Variants in DNAH10 observed in about 807,000 individuals in gnomAD.
DNAH10 encodes dynein axonemal heavy chain 10.
Under a neutral mutation model 506.6 loss-of-function variants are expected in DNAH10, and 348 were observed. That is an observed-to-expected ratio of 0.69 (90% confidence interval 0.63 to 0.75). The LOEUF (loss-of-function observed/expected upper bound fraction) is 0.75. Among genes scored for constraint, DNAH10 ranks in the 30% least tolerant of loss-of-function variants. The probability of loss-of-function intolerance (pLI) is 0.00; values close to 1 mark genes in which losing one functional copy is unlikely to be tolerated. For missense variants in DNAH10, 5,179 were observed against 5,787.1 expected, an observed-to-expected ratio of 0.89 and a Z score of 3.41; for synonymous variants, 2,059 against 2,198.6, an observed-to-expected ratio of 0.94 and a Z score of 1.78.
chr12:123,853,494 T>A lies in DNAH10; in HGVS notation c.6438+142T>A. ...GCCTCTTCACCCCGCGGTCTGGCCT[T>A]ACTTTGGCCTCTTACCTGTTGTATC... On this transcript the variant is annotated intron_variant, in intron 36 of 78. Transcript: ENST00000673944. This position sits in a 1 kb window ranked among gnomAD's most constrained non-coding sequence, Gnocchi z 4.7. 9.1e-7 allele frequency: 1 copy of A among 1,100,570 alleles called. No homozygotes were observed. Among genetic ancestry groups the A allele is most frequent in the South Asian group, 2.1e-5 (1 of 47,402 alleles). 68.2% of individuals were successfully genotyped at this position (1,100,570 alleles called of 1,614,324 possible). A position where few individuals can be genotyped will look rare whatever the true frequency, so the allele number is the denominator to read the frequency against.
At chr12:123,931,261 T>C (rs537183483) in intron 73 of DNAH10, 80 bp from the exon 74 acceptor site, 1 of 1,571,898 alleles carries the variant, frequency 6.4e-7, no homozygotes, top group African/African-American at 1.4e-5. Flanking sequence ...CTTGCATGTC[T>C]TGGAGACTTT....
In DNAH10 at chr12:123,919,564, G is replaced by A. The variant is rs1048626362; in HGVS notation, c.11506+615G>A. On this transcript the variant is annotated intron_variant, in intron 65 of 78. Coordinates refer to ENST00000673944, the MANE Select transcript of DNAH10 (RefSeq NM_001372106.1). This position sits in a 1 kb window ranked among gnomAD's most constrained non-coding sequence, Gnocchi z 4.9. ...CAGCTATCACTACTCTCTGGCTCCG[G>A]AACGTTTCCACCAGCCCCGAAATGA... Among the ~76,000 whole-genome samples the A allele has an allele frequency of 6.6e-6, 1 of 152,098 alleles. No homozygotes were observed. Among genetic ancestry groups the A allele is most frequent in the Non-Finnish European group, 1.5e-5 (1 of 68,026 alleles).
In DNAH10 at chr12:123,874,521, G is replaced by A. The variant is rs549791746; in HGVS notation, c.7939-710G>A. On this transcript the variant is annotated intron_variant, in intron 46 of 78. Transcript: ENST00000673944. The stretch of plus-strand genomic sequence containing the variant: ...TACCTGTCCATTTATCCATCTACCC[G>A]TCCATTTATCCATCTACCCATCTGT... Among the ~76,000 whole-genome samples, 153 of 147,100 alleles carry A rather than the reference G, an allele frequency of 1.0e-3. 3 individuals carry two copies. The highest frequency in any genetic ancestry group is 3.6e-3 in the African/African-American group (143 of 39,622).
chr12:123,782,297 CT>C (rs1957684300), intron 6 of DNAH10, among the ~76,000 whole-genome samples: 1 of 145,628 alleles, frequency 6.9e-6, no homozygotes, highest in African/African-American at 2.6e-5. Context: ...TTGGGCTTTC[CT>C]TTTGGAAATG....
At chr12:123,929,023 C>A (rs1194980194) in intron 70 of DNAH10, 2 of 561,158 alleles carry the variant, frequency 3.6e-6, no homozygotes, top group Admixed American at 3.3e-5. Flanking sequence ...ACTTTACTTT[C>A]ATTTTATATA....
In DNAH10 at chr12:123,848,879, C is replaced by G. The variant is rs751485201; in HGVS notation, c.6099C>G (p.Phe2033Leu). 3.1e-6 allele frequency: 5 copies of G among 1,613,544 alleles called. No homozygotes were observed. In the Admixed American group the frequency reaches 8.3e-5, roughly 27 times the overall value. The change falls in exon 34 of 79, where the codon TTC (phenylalanine) becomes TTG (leucine). Residue 2033 changes from phenylalanine (F) to leucine (L), a missense_variant. Physicochemically the swap from Phe to Leu is conservative, Grantham distance 22. Around this residue, in one of 3 missense-constraint regions of DNAH10, gnomAD observed 4,844 missense variants for 5,430.5 expected, o/e 0.89. Transcript: ENST00000673944. ...CTCTGATCCATCAGTTAACCACGTT[C>G]CAGGTGAGACACATGAAGCCCCCGG... ...RNALIHQLTT[F>L]QFEGQEISLD... is the part of the protein sequence containing the mutation.
intron 61 of DNAH10, 87 bp downstream of exon 61, chr12:123,914,637 C>T: frequency 6.9e-7 from 1 of 1,459,544 alleles, no homozygotes; most frequent in Non-Finnish European, 9.2e-7. Context: ...GAGGCAATGG[C>T]CTGGGGGGCA....
intron 62 of DNAH10, among the ~76,000 whole-genome samples, chr12:123,915,586 C>T (rs1168737879): frequency 1.3e-5 from 2 of 152,168 alleles, no homozygotes; most frequent in Non-Finnish European, 2.9e-5. Flanking sequence ...TGTGAATGTG[C>T]CTCCTCTGGA....
chr12:123,830,053 G>T (rs1960376836), intron 25 of DNAH10, among the ~76,000 whole-genome samples: 1 of 152,186 alleles, frequency 6.6e-6, no homozygotes, highest in Non-Finnish European at 1.5e-5. Flanking sequence ...TTTGTTGATT[G>T]TTTGTTGTTT....
At position 123,917,471 on chromosome 12, in the gene DNAH10, C is replaced by T; in HGVS notation, c.11003-113C>T. On this transcript the variant is annotated intron_variant, in intron 63 of 78. Transcript: ENST00000673944. This position sits in a 1 kb window ranked among gnomAD's most constrained non-coding sequence, Gnocchi z 5.6. ...CTTTGGTGGGCAGTGAATCCTCGTGCCTCTGGCCTGCTGGCTGAGACCCGC... is the reference window on the plus strand; with the variant it reads ...CTTTGGTGGGCAGTGAATCCTCGTGTCTCTGGCCTGCTGGCTGAGACCCGC... The T allele has an allele frequency of 9.2e-7, 1 of 1,083,158 alleles. No homozygotes were observed. The highest frequency in any genetic ancestry group is 1.3e-6 in the Non-Finnish European group (1 of 754,672). The allele number at this position is 1,083,158 out of a possible 1,614,324, so 67.1% of individuals were successfully genotyped here. A position where few individuals can be genotyped will look rare whatever the true frequency, so the allele number is the denominator to read the frequency against.
chr12:123,893,646 A>T (rs1270800087), intron 53 of DNAH10, among the ~76,000 whole-genome samples: 1 of 152,104 alleles, frequency 6.6e-6, no homozygotes, highest in Non-Finnish European at 1.5e-5. Context: ...AGGAGGATGT[A>T]CCCATGCTCC....
At chr12:123,879,875 G>A (rs192830225) in intron 50 of DNAH10, 74 bp downstream of exon 50, 7 of 1,537,684 alleles carry the variant, frequency 4.6e-6, no homozygotes, top group East Asian at 4.5e-5. Flanking sequence ...TGAGCATCGC[G>A]CGGGTGCCCG....
chr12:123,829,285 T>TG lies in DNAH10; in HGVS notation c.4392-1256dup, dbSNP rs1960290637. Among the ~76,000 whole-genome samples the TG allele has an allele frequency of 7.2e-5, 11 of 152,134 alleles. No individual in the cohort carries two copies. In the South Asian group the frequency reaches 2.3e-3, roughly 32 times the overall value. On this transcript the variant is annotated intron_variant, in intron 25 of 78. Coordinates refer to ENST00000673944, the MANE Select transcript of DNAH10 (RefSeq NM_001372106.1). ...TTTCACAGGACATAGGCACAGAAAG[T>TG]GGGGGCATCGGCATGGCCTGAGGGT...
intron 36 of DNAH10, among the ~76,000 whole-genome samples, chr12:123,855,318 G>A (rs1198744895): frequency 6.6e-6 from 1 of 152,070 alleles, no homozygotes; most frequent in Non-Finnish European, 1.5e-5. Flanking sequence ...TTGTTTTTGA[G>A]ATTTATATAA....
At chr12:123,874,021 T>A (rs1952138734) in intron 46 of DNAH10, among the ~76,000 whole-genome samples, 1 of 152,116 alleles carries the variant, frequency 6.6e-6, no homozygotes, top group African/African-American at 2.4e-5. Flanking sequence ...CTTATTTAGA[T>A]AATAATACTG....
intron 16 of DNAH10, 56 bp from the exon 17 acceptor site, chr12:123,803,605 G>A: frequency 6.9e-7 from 1 of 1,439,350 alleles, no homozygotes; most frequent in Non-Finnish European, 9.2e-7. Flanking sequence ...TTGGTGGGGG[G>A]ATGTGGAAAG....
chr12:123,850,971 G>A lies in DNAH10; in HGVS notation c.6186G>A (p.Leu2062=). ...CCGGCTACGCAGGCCGCACGGAGCT[G>A]CCCGAGTCGGTGAAGGCGCTGTTCA... ...MNPGYAGRTE[L]PESVKALFRP... The change falls in exon 35 of 79, where the codon CTG becomes CTA. Residue 2062 remains leucine (L), a synonymous_variant. Transcript: ENST00000673944. The surrounding 1 kb of genome is among the most constrained non-coding windows in gnomAD (Gnocchi z 5.5). 1.9e-6 allele frequency: 3 copies of A among 1,614,128 alleles called. No homozygotes were observed. Among genetic ancestry groups the A allele is most frequent in the Non-Finnish European group, 2.5e-6 (3 of 1,179,978 alleles).
chr12:123,774,040 T>G (rs919727679), intron 4 of DNAH10, 109 bp from the exon 5 acceptor site: 2 of 740,818 alleles, frequency 2.7e-6, no homozygotes, highest in Non-Finnish European at 4.5e-6. Flanking sequence ...AACCAGAACA[T>G]TCCTTGTAGC....
At position 123,845,605 on chromosome 12, in the gene DNAH10, A is replaced by T; in HGVS notation, c.5366A>T (p.Asp1789Val). Residue 1789 changes from aspartate (D) to valine (V), a missense_variant, in exon 31 of 79, where the codon GAC (aspartate) becomes GTC (valine). Around this residue, in one of 3 missense-constraint regions of DNAH10, gnomAD observed 4,844 missense variants for 5,430.5 expected, o/e 0.89. Transcript: ENST00000673944. ...FRYCEDRSRVDWMLLYQGMVV... is the reference protein window; with the variant it reads ...FRYCEDRSRVVWMLLYQGMVV... ...CAGGTGTGCGTTTTCTGCAGAGTCG[A>T]CTGGATGCTCCTGTACCAGGGCATG... 1 of 1,612,656 alleles carries T rather than the reference A, an allele frequency of 6.2e-7. No homozygotes were observed. Among genetic ancestry groups the T allele is most frequent in the Non-Finnish European group, 8.5e-7 (1 of 1,179,826 alleles).
Sources: allele counts gnomAD v4.1 joint callset (sites outside exome capture counted in the v4.1 genomes callset), GRCh38; gene constraint gnomAD v4.1.1; regional missense constraint gnomAD v4.1.1; non-coding constraint Gnocchi (gnomAD v3.1); transcripts MANE v1.5; gene names NCBI Gene and HGNC (gene_info 2026-07-23, HGNC 2026-07-21).